The following LAMC1 variants were observed in gnomAD, a reference collection of about 807,000 sequenced individuals.
LAMC1 encodes laminin subunit gamma 1.
In LAMC1, 38 loss-of-function variants were observed where a neutral mutation model predicts 173.6. The observed-to-expected ratio is 0.22, with a 90% CI of 0.17 to 0.29. The LOEUF is 0.29. LAMC1 is among the 10% of genes least tolerant of loss of function. LAMC1 has a pLI of 1.00. For missense variants in LAMC1, 1,824 were observed against 2,051.8 expected, an observed-to-expected ratio of 0.89 and a Z score of 2.14; for synonymous variants, 746 against 749.1, an observed-to-expected ratio of 1.00 and a Z score of 0.07.
intron 1 of LAMC1, among the ~76,000 whole-genome samples, chr1:183,076,239 TTGCG>T (rs1431302353): frequency 2.0e-5 from 3 of 152,218 alleles, no homozygotes; most frequent in Non-Finnish European, 4.4e-5. Context: ...CTTTGGAAGT[TTGCG>T]TGCTTTCCAA....
rs1331613309 is a variant in LAMC1, at chr1:183,117,327, T to C, written c.1572T>C (p.Asp524=). ...TTCCTTCTCTACCTGCAGATGAGGA[T>C]GGGTGGCGTGCGGAACAGAGAGATG... ...SISSTFQIDE[D]GWRAEQRDGS... is the part of the protein sequence containing the mutation. Residue 524 remains aspartate, a synonymous_variant, in exon 9 of 28, where the codon GAT becomes GAC. Coordinates refer to ENST00000258341, the MANE Select transcript of LAMC1 (RefSeq NM_002293.4). 6.2e-7 allele frequency: 1 copy of C among 1,604,568 alleles called. No homozygotes were observed. The highest frequency in any genetic ancestry group is 2.2e-5 in the East Asian group (1 of 44,544).
intron 1 of LAMC1, among the ~76,000 whole-genome samples, chr1:183,070,124 A>G (rs181350654): frequency 1.2e-3 from 184 of 152,318 alleles, no homozygotes; most frequent in African/African-American, 3.0e-3. Flanking sequence ...ACTTGATCAT[A>G]ATTGCCTAGT....
intron 1 of LAMC1, among the ~76,000 whole-genome samples, chr1:183,085,995 T>G (rs1655417152): frequency 6.6e-6 from 1 of 152,172 alleles, no homozygotes; most frequent in Admixed American, 6.5e-5. Context: ...TGTGTCCACT[T>G]AGGTCTTTTA....
chr1:183,027,299 A>T (rs1653715818), intron 1 of LAMC1, among the ~76,000 whole-genome samples: 1 of 152,146 alleles, frequency 6.6e-6, no homozygotes, highest in Admixed American at 6.5e-5. Flanking sequence ...TTTTCTAAGA[A>T]GAAGTCTTTT....
At chr1:183,051,000 G>A (rs989438120) in intron 1 of LAMC1, among the ~76,000 whole-genome samples, 1 of 151,100 alleles carries the variant, frequency 6.6e-6, no homozygotes, top group African/African-American at 2.4e-5. Context: ...GAGAATATCT[G>A]TTCCTCTGAG....
rs561067128 is a variant in LAMC1 at position 183,049,052 on chromosome 1, G to A, written c.418+24918G>A. Among the ~76,000 whole-genome samples the A allele has an allele frequency of 3.4e-4, 52 of 152,244 alleles. 1 individual carries two copies. The highest frequency in any genetic ancestry group is 1.2e-3 in the African/African-American group (50 of 41,544). Reference sequence around the variant, plus strand: ...TAATATAGTTCTTTGCATCTAATGTGTACTCCAGAAATGTTTGCTGATATT... The same window carrying A: ...TAATATAGTTCTTTGCATCTAATGTATACTCCAGAAATGTTTGCTGATATT... On this transcript the variant is annotated intron_variant, in intron 1 of 27. Coordinates refer to ENST00000258341, the MANE Select transcript of LAMC1 (RefSeq NM_002293.4).
chr1:183,114,930 G>C (rs181011516), intron 5 of LAMC1, among the ~76,000 whole-genome samples: 1 of 152,166 alleles, frequency 6.6e-6, no homozygotes, highest in Non-Finnish European at 1.5e-5. Flanking sequence ...GTGTAAGAGG[G>C]GGGTGGTGGC....
At chr1:183,141,846 T>A (rs1239495719) in intron 27 of LAMC1, among the ~76,000 whole-genome samples, 1 of 152,226 alleles carries the variant, frequency 6.6e-6, no homozygotes, top group Admixed American at 6.5e-5. Context: ...CATCTGAGAA[T>A]CACTGATGTA....
At position 183,124,798 on chromosome 1, in the gene LAMC1, G is replaced by A. The variant is rs775648003; in HGVS notation, c.2569G>A (p.Ala857Thr). Residue 857 changes from alanine to threonine, a missense_variant, in exon 14 of 28, where the codon GCT becomes ACT. Transcript: ENST00000258341. ...GECLKCIYNT[A>T]GFYCDRCKDG... ...ATGCCTGAAGTGCATCTATAACACT[G>A]CTGGCTTCTATTGTGACCGGTGCAA... 1.4e-5 allele frequency: 23 copies of A among 1,614,016 alleles called. No homozygotes were observed. Among genetic ancestry groups the A allele is most frequent in the Non-Finnish European group, 1.9e-5 (22 of 1,180,034 alleles).
chr1:183,036,321 A>G (rs572774879), intron 1 of LAMC1, among the ~76,000 whole-genome samples: 9 of 151,258 alleles, frequency 6.0e-5, no homozygotes, highest in African/African-American at 1.5e-4. Flanking sequence ...GCTGGGCTCA[A>G]ACTCCTGACT....
intron 22 of LAMC1, 148 bp from the exon 23 acceptor site, chr1:183,134,512 A>AT: frequency 1.7e-6 from 1 of 583,320 alleles, no homozygotes. Flanking sequence ...AGTATATCTC[A>AT]TTTTTTAAAA....
In LAMC1 at chr1:183,103,586, A is replaced by T; in HGVS notation, c.677A>T (p.Glu226Val). ...TGGNVAFSTL[E>V]GRPSAYNFDN... ...GGCAACGTGGCCTTTTCTACCCTGG[A>T]AGGAAGGCCCAGCGCCTATAACTTT... The change falls in exon 2 of 28, where the codon GAA becomes GTA. Residue 226 changes from glutamate to valine, a missense_variant. By Grantham distance (121) the Glu-to-Val change is moderately radical. Transcript: ENST00000258341. The T allele has an allele frequency of 6.2e-7, 1 of 1,606,624 alleles. No homozygotes were observed. The highest frequency in any genetic ancestry group is 8.5e-7 in the Non-Finnish European group (1 of 1,176,030).
chr1:183,024,738 G>A (rs1653635229), intron 1 of LAMC1, among the ~76,000 whole-genome samples: 1 of 152,214 alleles, frequency 6.6e-6, no homozygotes, highest in Admixed American at 6.5e-5. Context: ...CGATTTGACT[G>A]CTAATCCTGG....
intron 1 of LAMC1, among the ~76,000 whole-genome samples, chr1:183,051,502 A>T (rs1486150508): frequency 6.6e-6 from 1 of 152,154 alleles, no homozygotes; most frequent in African/African-American, 2.4e-5. Context: ...ACCCTTCCCA[A>T]ATTCTTGACT....
Position 183,127,241 on chromosome 1 carries a change from C to T in LAMC1, c.2960C>T (p.Pro987Leu), listed in dbSNP as rs767662845. The change falls in exon 17 of 28, where the codon CCT becomes CTT. Residue 987 changes from proline (P) to leucine (L), a missense_variant. By Grantham distance (98) the Pro-to-Leu change is moderately conservative. Coordinates refer to ENST00000258341, the MANE Select transcript of LAMC1 (RefSeq NM_002293.4). ...TATTCTGCAGCCTGTGACTGTCATC[C>T]TGAGGGATCTCTTTCACTTCAGTGC... is the stretch of plus-strand genomic sequence containing the variant. ...PEGCKPCDCH[P>L]EGSLSLQCKD... 12 of 1,613,796 alleles carry T rather than the reference C, an allele frequency of 7.4e-6. No homozygotes were observed. Among genetic ancestry groups the T allele is most frequent in the Non-Finnish European group, 1.0e-5 (12 of 1,179,958 alleles).
chr1:183,032,836 G>T (rs1271488360), intron 1 of LAMC1, among the ~76,000 whole-genome samples: 2 of 152,170 alleles, frequency 1.3e-5, no homozygotes, highest in Non-Finnish European at 2.9e-5. Context: ...TGACTATACA[G>T]GTACCTGTCT....
Position 183,023,743 on chromosome 1 carries a change from G to T in LAMC1, c.27G>T (p.Pro9=). The T allele has an allele frequency of 1.7e-6, 2 of 1,204,116 alleles. No individual in the cohort carries two copies. Among genetic ancestry groups the T allele is most frequent in the South Asian group, 4.2e-5 (1 of 24,056 alleles). 74.6% of individuals were successfully genotyped at this position (1,204,116 alleles called of 1,614,324 possible). The change falls in exon 1 of 28, where the codon CCG becomes CCT. Residue 9 remains proline (P), a synonymous_variant. Transcript: ENST00000258341. ...TGAGAGGGAGCCATCGGGCCGCGCC[G>T]GCCCTGCGGCCCCGGGGGCGGCTCT... MRGSHRAA[P]ALRPRGRLWP...
At chr1:183,061,707 A>G (rs1397166092) in intron 1 of LAMC1, among the ~76,000 whole-genome samples, 1 of 152,246 alleles carries the variant, frequency 6.6e-6, no homozygotes, top group East Asian at 1.9e-4. Flanking sequence ...TGAAATTTAA[A>G]TGATTCTAGT....
In LAMC1 at chr1:183,114,763, G is replaced by T. The variant is rs202153487; in HGVS notation, c.1210+44G>T. Reference sequence around the variant, plus strand: ...GATTGAAAGACAAAATGATAGTTCCGTGGACCCCCGGAAAGGAAAGCTTTG... The same window carrying T: ...GATTGAAAGACAAAATGATAGTTCCTTGGACCCCCGGAAAGGAAAGCTTTG... On this transcript the variant is annotated intron_variant, in intron 5 of 27. Coordinates refer to ENST00000258341, the MANE Select transcript of LAMC1 (RefSeq NM_002293.4). 5.1e-6 allele frequency: 8 copies of T among 1,574,298 alleles called. No homozygotes were observed. In the Middle Eastern group the frequency reaches 5.5e-4, roughly 108 times the overall value.
Sources: gnomAD v4.1 joint callset for allele counts (sites outside exome capture counted in the v4.1 genomes callset) on GRCh38, gnomAD v4.1.1 for gene constraint, MANE v1.5 for transcripts, NCBI Gene and HGNC (gene_info 2026-07-23, HGNC 2026-07-21) for gene names.